The following ZMIZ1 variants were observed in gnomAD, a reference collection of about 807,000 sequenced individuals.
The protein encoded by ZMIZ1 is zinc finger MIZ domain-containing protein 1.
Under a neutral mutation model 113.9 loss-of-function variants are expected in ZMIZ1, and 17 were observed. The ratio of observed to expected loss-of-function variants is 0.15; its 90% CI spans 0.10 to 0.22. The LOEUF (loss-of-function observed/expected upper bound fraction) is 0.22, where lower values mean the gene tolerates loss of function less well. Among genes scored for constraint, ZMIZ1 ranks in the 10% least tolerant of loss-of-function variants. ZMIZ1 has a pLI of 1.00. For missense variants in ZMIZ1, 1,059 were observed against 1,477.8 expected, an observed-to-expected ratio of 0.72 and a Z score of 4.65; for synonymous variants, 607 against 603.1, an observed-to-expected ratio of 1.01 and a Z score of -0.09.
At chr10:79,271,432 C>T (rs1851946567) in intron 7 of ZMIZ1, among the ~76,000 whole-genome samples, 1 of 152,194 alleles carries the variant, frequency 6.6e-6, no homozygotes, top group African/African-American at 2.4e-5. Flanking sequence ...AAGGTTAAGT[C>T]ACTTGCTCAA....
chr10:79,157,193 G>C (rs901775557), intron 3 of ZMIZ1, among the ~76,000 whole-genome samples: 1 of 152,162 alleles, frequency 6.6e-6, no homozygotes, highest in African/African-American at 2.4e-5. Context: ...TCTGCTGAGC[G>C]ATTTCTTCCT....
intron 1 of ZMIZ1, among the ~76,000 whole-genome samples, chr10:79,080,902 C>T (rs544425811): frequency 1.3e-5 from 2 of 152,134 alleles, no homozygotes; most frequent in South Asian, 2.1e-4. Context: ...CTGCTCCACC[C>T]GAAGGCTCTG....
chr10:79,113,946 G>A (rs1365302721), intron 1 of ZMIZ1, among the ~76,000 whole-genome samples: 6 of 152,208 alleles, frequency 3.9e-5, no homozygotes, highest in Admixed American at 2.0e-4. Context: ...TTAATTAAGG[G>A]GGTTCCTGAA....
chr10:79,236,409 C>T (rs1849588745), intron 7 of ZMIZ1, among the ~76,000 whole-genome samples: 2 of 152,170 alleles, frequency 1.3e-5, no homozygotes, highest in African/African-American at 4.8e-5. Flanking sequence ...TTATGTCAGT[C>T]CAACCCTGGG....
chr10:79,202,189 GAA>G (rs58021590), intron 5 of ZMIZ1, among the ~76,000 whole-genome samples: 1,124 of 52,558 alleles, frequency 0.021, 5 homozygotes, highest in African/African-American at 0.067. Context: ...CCCTGTCTCA[GAA>G]AAAAAAAAAA....
intron 3 of ZMIZ1, among the ~76,000 whole-genome samples, chr10:79,149,473 A>T (rs1845622650): frequency 6.6e-6 from 1 of 152,170 alleles, no homozygotes; most frequent in Non-Finnish European, 1.5e-5. Flanking sequence ...GTGAGCCTCC[A>T]GTTCCTGAGG....
At position 79,287,790 on chromosome 10, in the gene ZMIZ1, C is replaced by T. The variant is rs933065570; in HGVS notation, c.426-1985C>T. ...TAGAGTGGGGAGGTATCATCTGATG[C>T]CCATTTTACAGATGAGGAGATTGAG... On this transcript the variant is annotated intron_variant, in intron 8 of 24. Coordinates refer to ENST00000334512, the MANE Select transcript of ZMIZ1 (RefSeq NM_020338.4). Among the ~76,000 whole-genome samples the T allele has an allele frequency of 4.6e-5, 7 of 152,178 alleles. 1 individual carries two copies. The highest frequency in any genetic ancestry group is 1.7e-4 in the African/African-American group (7 of 41,430).
intron 1 of ZMIZ1, among the ~76,000 whole-genome samples, chr10:79,097,550 A>G (rs968178654): frequency 6.6e-6 from 1 of 152,228 alleles, no homozygotes; most frequent in African/African-American, 2.4e-5. Context: ...CGAGATAATA[A>G]TAAAATCAAT....
intron 7 of ZMIZ1, among the ~76,000 whole-genome samples, chr10:79,240,243 G>C (rs1417104964): frequency 6.6e-6 from 1 of 152,244 alleles, no homozygotes; most frequent in Non-Finnish European, 1.5e-5. Context: ...CCCTTGCCGA[G>C]GTCACTCAGA....
Position 79,114,498 on chromosome 10 carries a change from TGTGTGTGC to T in ZMIZ1, c.-336-4409_-336-4402del, listed in dbSNP as rs1398829588. ...GTGTCTGTGTGTGTGTGTGTGCGTGTGTGTGTGCGTGTGTGTGTGTGTGTGTGTGTGTG... is the reference window on the plus strand; with the variant it reads ...GTGTCTGTGTGTGTGTGTGTGCGTGTGTGTGTGTGTGTGTGTGTGTGTGTG... On this transcript the variant is annotated intron_variant, in intron 1 of 24. Coordinates refer to ENST00000334512, the MANE Select transcript of ZMIZ1 (RefSeq NM_020338.4). Among the ~76,000 whole-genome samples the T allele has an allele frequency of 6.8e-3, 541 of 80,120 alleles. 2 individuals carry two copies. Among genetic ancestry groups the T allele is most frequent in the South Asian group, 0.048 (112 of 2,314 alleles). 52.6% of individuals were successfully genotyped at this position (80,120 alleles called of 152,430 possible). A position where few individuals can be genotyped will look rare whatever the true frequency, so the allele number is the denominator to read the frequency against.
chr10:79,306,990 CA>C (rs781457537), intron 22 of ZMIZ1, among the ~76,000 whole-genome samples: 2 of 152,226 alleles, frequency 1.3e-5, no homozygotes, highest in Non-Finnish European at 2.9e-5. Flanking sequence ...CTGCGGGTGT[CA>C]TCCTGAGTCT....
chr10:79,177,291 A>G (rs1012244405), intron 4 of ZMIZ1, among the ~76,000 whole-genome samples: 6 of 151,534 alleles, frequency 4.0e-5, no homozygotes, highest in Non-Finnish European at 5.9e-5. Context: ...TTTCCACTGT[A>G]AACAGGGGAT....
chr10:79,131,021 G>T (rs541223835), intron 2 of ZMIZ1, among the ~76,000 whole-genome samples: 202 of 152,302 alleles, frequency 1.3e-3, no homozygotes, highest in African/African-American at 4.8e-3. Context: ...ACTCCAGGAA[G>T]CCAGCCTGCC....
At chr10:79,176,836 T>G (rs1846889692) in intron 4 of ZMIZ1, among the ~76,000 whole-genome samples, 1 of 152,250 alleles carries the variant, frequency 6.6e-6, no homozygotes, top group Non-Finnish European at 1.5e-5. Flanking sequence ...GAAGTCTCTT[T>G]TCTCTGTGGG....
chr10:79,266,587 C>T (rs1395655299), intron 7 of ZMIZ1, among the ~76,000 whole-genome samples: 1 of 152,162 alleles, frequency 6.6e-6, no homozygotes, highest in Non-Finnish European at 1.5e-5. Context: ...GAAGCACACA[C>T]ATGGCCCTGA....
chr10:79,070,389 G>A (rs920834078), intron 1 of ZMIZ1, among the ~76,000 whole-genome samples: 2 of 152,116 alleles, frequency 1.3e-5, no homozygotes, highest in African/African-American at 4.8e-5. Context: ...CGGCCATTGT[G>A]CGCCAGCAGA....
chr10:79,243,773 G>C (rs1435691204), intron 7 of ZMIZ1: 2 of 232,368 alleles, frequency 8.6e-6, no homozygotes, highest in Admixed American at 6.4e-5. Context: ...GCGCCTGGGC[G>C]CCCACGGGCC....
At chr10:79,072,656 T>C (rs1842329784) in intron 1 of ZMIZ1, among the ~76,000 whole-genome samples, 1 of 152,176 alleles carries the variant, frequency 6.6e-6, no homozygotes, top group Non-Finnish European at 1.5e-5. Context: ...AGGCACTTGG[T>C]CGTGGGACCA....
intron 3 of ZMIZ1, among the ~76,000 whole-genome samples, chr10:79,160,041 C>T (rs1846047270): frequency 6.6e-6 from 1 of 152,256 alleles, no homozygotes. Context: ...TATTTTCTCT[C>T]TGTCAGCGGC....
Sources: gnomAD v4.1 joint callset for allele counts (sites outside exome capture counted in the v4.1 genomes callset) on GRCh38, gnomAD v4.1.1 for gene constraint, MANE v1.5 for transcripts, NCBI Gene and HGNC (gene_info 2026-07-23, HGNC 2026-07-21) for gene names.